Variants in PXDNL observed in about 807,000 individuals in gnomAD.
The protein encoded by PXDNL is peroxidasin like, also known as probable oxidoreductase PXDNL.
PXDNL carries 145 observed loss-of-function variants against 150.8 expected under a neutral mutation model. That is an observed-to-expected ratio of 0.96 (90% confidence interval 0.84 to 1.10). PXDNL has a LOEUF of 1.10. PXDNL is among the 50% of genes least tolerant of loss of function. PXDNL has a pLI of 0.00. For missense variants in PXDNL, 2,087 were observed against 1,873.9 expected (o/e 1.11, Z -2.10); for synonymous variants, 757 against 725.7 (o/e 1.04, Z -0.69).
intron 4 of PXDNL, among the ~76,000 whole-genome samples, chr8:51,555,435 T>A (rs1585576475): frequency 1.3e-5 from 2 of 152,204 alleles, no homozygotes; most frequent in African/African-American, 4.8e-5. Context: ...AGCAGTCATG[T>A]AAAAGGAAAT....
chr8:51,803,508 C>T (rs975865801), intron 1 of PXDNL, among the ~76,000 whole-genome samples: 2 of 152,168 alleles, frequency 1.3e-5, no homozygotes. Flanking sequence ...CGAGCTCTGA[C>T]AGATGTGGCC....
chr8:51,697,164 C>T (rs922389197), intron 1 of PXDNL, among the ~76,000 whole-genome samples: 2 of 151,850 alleles, frequency 1.3e-5, no homozygotes, highest in African/African-American at 4.8e-5. Context: ...CTTAGCCGAG[C>T]GTGGTGGCGG....
chr8:51,645,989 G>C (rs1814910911), intron 2 of PXDNL, among the ~76,000 whole-genome samples: 1 of 152,050 alleles, frequency 6.6e-6, no homozygotes, highest in Non-Finnish European at 1.5e-5. Context: ...GAAAGACAGA[G>C]GGAAAGGAAA....
rs367723002 is a variant in PXDNL, at chr8:51,760,522, TTGA to T, written c.164+48656_164+48658del. 3.0e-4 allele frequency among the ~76,000 whole-genome samples: 46 copies of T among 152,360 alleles called. 1 individual carries two copies. The East Asian group carries it at 6.4e-3, about 21-fold the overall frequency. The stretch of plus-strand genomic sequence containing the variant: ...TTTACTCAAATGCAAATTTTGCTGT[TTGA>T]TGAAGTGCTTGAACTTTCTAACTCC... On this transcript the variant is annotated intron_variant, in intron 1 of 22. Coordinates refer to ENST00000356297, the MANE Select transcript of PXDNL (RefSeq NM_144651.5).
chr8:51,370,011 C>A (rs572365961), intron 19 of PXDNL, among the ~76,000 whole-genome samples: 40 of 152,306 alleles, frequency 2.6e-4, no homozygotes, highest in African/African-American at 9.6e-4. Context: ...TGCCATGCAC[C>A]TACCCTACAC....
chr8:51,504,037 G>A (rs748335588), intron 4 of PXDNL, among the ~76,000 whole-genome samples: 7 of 151,256 alleles, frequency 4.6e-5, no homozygotes, highest in Non-Finnish European at 1.0e-4. Flanking sequence ...GCGCAACTCA[G>A]AAAACTAGCA....
intron 4 of PXDNL, among the ~76,000 whole-genome samples, chr8:51,513,330 A>G (rs1368705295): frequency 6.6e-6 from 1 of 152,220 alleles, no homozygotes; most frequent in Admixed American, 6.5e-5. Flanking sequence ...CAGCACTGAC[A>G]TGCCCTGCAC....
chr8:51,638,630 CAA>C lies in PXDNL; in HGVS notation c.236+16057_236+16058del, dbSNP rs1398934141. Among the ~76,000 whole-genome samples the C allele has an allele frequency of 4.6e-5, 7 of 152,212 alleles. No individual in the cohort carries two copies. The East Asian group carries it at 1.2e-3, about 25-fold the overall frequency. On this transcript the variant is annotated intron_variant, in intron 2 of 22. Transcript: ENST00000356297. Reference sequence around the variant, plus strand: ...GGCCATTACATAACAGTAAAGGGATCAATTCAACAAGAAGAGCTAACTATCCT... The same window carrying C: ...GGCCATTACATAACAGTAAAGGGATCTTCAACAAGAAGAGCTAACTATCCT...
intron 19 of PXDNL, among the ~76,000 whole-genome samples, chr8:51,351,268 A>G (rs769979132): frequency 6.6e-6 from 1 of 152,202 alleles, no homozygotes; most frequent in Non-Finnish European, 1.5e-5. Context: ...ATTTGGAAAT[A>G]GGGTTGTTGC....
intron 4 of PXDNL, among the ~76,000 whole-genome samples, chr8:51,537,643 C>G (rs1812111217): frequency 6.6e-6 from 1 of 152,164 alleles, no homozygotes; most frequent in South Asian, 2.1e-4. Flanking sequence ...GGGCCTTTTC[C>G]TTGGAAACCT....
Position 51,483,723 on chromosome 8 carries a change from GA to G in PXDNL, c.453-10del. On this transcript the variant is annotated splice_polypyrimidine_tract_variant and intron_variant, in intron 5 of 22. Transcript: ENST00000356297. The stretch of plus-strand genomic sequence containing the variant: ...TGTTGTTATGCAAAAATCTGAAAAA[GA>G]AAAGATAAACTTTAATCACCATACA... 1 of 1,430,684 alleles carries G rather than the reference GA, an allele frequency of 7.0e-7. No individual in the cohort carries two copies. The highest frequency in any genetic ancestry group is 9.6e-7 in the Non-Finnish European group (1 of 1,042,020). The allele number at this position is 1,430,684 out of a possible 1,614,324, so 88.6% of individuals were successfully genotyped here.
chr8:51,629,653 G>A (rs7010363), intron 2 of PXDNL, among the ~76,000 whole-genome samples: 14,607 of 152,010 alleles, frequency 0.096, 836 homozygotes, highest in Non-Finnish European at 0.12. Flanking sequence ...AAAAACAAGA[G>A]CATGTTTAAA....
intron 19 of PXDNL, among the ~76,000 whole-genome samples, chr8:51,359,267 A>G (rs1162185917): frequency 6.7e-6 from 1 of 150,224 alleles, no homozygotes; most frequent in Non-Finnish European, 1.5e-5. Context: ...ATCTGTTTAA[A>G]ATAGTAACAA....
intron 10 of PXDNL, 57 bp downstream of exon 10, chr8:51,453,462 A>G: frequency 6.4e-7 from 1 of 1,556,826 alleles, no homozygotes; most frequent in Admixed American, 1.7e-5. Flanking sequence ...AAGTTGAAAA[A>G]TAATTTTCTG....
At chr8:51,438,424 TC>T (rs1809459015) in intron 12 of PXDNL, among the ~76,000 whole-genome samples, 1 of 152,086 alleles carries the variant, frequency 6.6e-6, no homozygotes, top group African/African-American at 2.4e-5. Flanking sequence ...TACTATAAGG[TC>T]ATAGTCACCA....
At chr8:51,633,158 T>C (rs1814527643) in intron 2 of PXDNL, among the ~76,000 whole-genome samples, 1 of 152,202 alleles carries the variant, frequency 6.6e-6, no homozygotes. Context: ...TATTTGGTTT[T>C]TCTGTTTCTG....
chr8:51,682,225 A>G (rs1297622836), intron 1 of PXDNL, among the ~76,000 whole-genome samples: 2 of 152,248 alleles, frequency 1.3e-5, no homozygotes, highest in Admixed American at 6.5e-5. Flanking sequence ...AGTTTTATAG[A>G]AAAAAATTCC....
At chr8:51,528,711 C>T (rs79876459) in intron 4 of PXDNL, among the ~76,000 whole-genome samples, 2,934 of 152,234 alleles carry the variant, frequency 0.019, 87 homozygotes, top group African/African-American at 0.066. Context: ...AGGGCAGAGA[C>T]TCAGATCATG....
intron 21 of PXDNL, among the ~76,000 whole-genome samples, chr8:51,324,293 G>T (rs1805419169): frequency 6.6e-6 from 1 of 152,064 alleles, no homozygotes; most frequent in African/African-American, 2.4e-5. Flanking sequence ...TATTGCACTG[G>T]CAAGAACTTC....
Sources: allele counts gnomAD v4.1 joint callset (sites outside exome capture counted in the v4.1 genomes callset), GRCh38; gene constraint gnomAD v4.1.1; transcripts MANE v1.5; gene names NCBI Gene and HGNC (gene_info 2026-07-23, HGNC 2026-07-21).